The following NUP133 variants were observed in gnomAD, a reference collection of about 807,000 sequenced individuals.
NUP133 encodes nuclear pore complex protein Nup133.
A neutral mutation model predicts 146.2 loss-of-function variants in NUP133; 66 were observed. The observed-to-expected ratio is 0.45, with a 90% CI of 0.37 to 0.55. The LOEUF is 0.55. NUP133 is among the 20% of genes least tolerant of loss of function. The pLI is 0.00. For missense variants in NUP133, 1,277 were observed against 1,374.8 expected, an observed-to-expected ratio of 0.93 and a Z score of 1.12; for synonymous variants, 521 against 498.8, an observed-to-expected ratio of 1.04 and a Z score of -0.59.
At chr1:229,506,513 A>G (rs2102790106) in intron 1 of NUP133, among the ~76,000 whole-genome samples, 1 of 151,508 alleles carries the variant, frequency 6.6e-6, no homozygotes, top group East Asian at 1.9e-4. Context: ...TGAAAGACAG[A>G]ATATAAAACA....
intron 8 of NUP133, among the ~76,000 whole-genome samples, chr1:229,492,507 T>C (rs1185377215): frequency 6.6e-6 from 1 of 152,106 alleles, no homozygotes; most frequent in Non-Finnish European, 1.5e-5. Context: ...TGTAACTAAA[T>C]GACATGACAC....
At chr1:229,456,479 T>C (rs1026108027) in intron 21 of NUP133, among the ~76,000 whole-genome samples, 19 of 152,196 alleles carry the variant, frequency 1.2e-4, no homozygotes, top group African/African-American at 4.6e-4. Context: ...AATCTTTTGA[T>C]GTTCAAATAG....
intron 19 of NUP133, among the ~76,000 whole-genome samples, chr1:229,462,775 C>T (rs771449345): frequency 1.3e-5 from 2 of 152,006 alleles, no homozygotes; most frequent in Non-Finnish European, 2.9e-5. Flanking sequence ...TGGCCTCAAA[C>T]TCCTGGCCTC....
intron 22 of NUP133, 25 bp downstream of exon 22, chr1:229,452,500 C>G (rs371151940): frequency 6.4e-7 from 1 of 1,558,308 alleles, no homozygotes. Context: ...TAAGAAATAG[C>G]GTTAAGGATT....
At position 229,460,626 on chromosome 1, in the gene NUP133, G is replaced by C; in HGVS notation, c.2829C>G (p.Ser943Arg). 6.2e-7 allele frequency: 1 copy of C among 1,612,412 alleles called. No homozygotes were observed. Among genetic ancestry groups the C allele is most frequent in the South Asian group, 1.1e-5 (1 of 90,526 alleles). Residue 943 changes from serine (S) to arginine (R), a missense_variant, in exon 20 of 26, where the codon AGC becomes AGG. Physicochemically the swap from Ser to Arg is moderately radical, Grantham distance 110 (BLOSUM62 -1). Coordinates refer to ENST00000261396, the MANE Select transcript of NUP133 (RefSeq NM_018230.3). The stretch of plus-strand genomic sequence containing the variant: ...TCCTTCTTACCTTTTCTAATTCTTG[G>C]CTATTAATTTCATGTAACCAGCTGA... Reference protein sequence around the residue: ...EHLSWLHEINSQELEKAHATL... With the variant: ...EHLSWLHEINRQELEKAHATL...
At chr1:229,457,025 A>C (rs1203626776) in intron 21 of NUP133, among the ~76,000 whole-genome samples, 1 of 151,952 alleles carries the variant, frequency 6.6e-6, no homozygotes, top group Non-Finnish European at 1.5e-5. Context: ...ACAGGTTGTT[A>C]CTAAGTTGCC....
intron 21 of NUP133, 37 bp from the exon 22 acceptor site, chr1:229,452,680 G>T: frequency 1.3e-6 from 2 of 1,484,922 alleles, no homozygotes; most frequent in Non-Finnish European, 1.8e-6. Context: ...AAGAGAATAT[G>T]ATGAAATTTG....
In NUP133 at chr1:229,441,495, AT is replaced by A. The variant is rs1660181815; in HGVS notation, c.*408del. On this transcript the variant is annotated 3_prime_UTR_variant, in exon 26 of 26. Transcript: ENST00000261396. The stretch of plus-strand genomic sequence containing the variant: ...CTGAAACAGATATCAAACACCCTAG[AT>A]TCTCTTCAGTGCAAAGTATCTGGAG... 1.9e-6 allele frequency: 1 copy of A among 527,746 alleles called. No individual in the cohort carries two copies. The highest frequency in any genetic ancestry group is 3.9e-6 in the Non-Finnish European group (1 of 257,512). 32.7% of individuals were successfully genotyped at this position (527,746 alleles called of 1,614,324 possible).
chr1:229,482,866 A>G (rs1661251554), intron 12 of NUP133, among the ~76,000 whole-genome samples: 1 of 152,194 alleles, frequency 6.6e-6, no homozygotes, highest in Non-Finnish European at 1.5e-5. Context: ...CTAGTTGAGG[A>G]GACATCACAG....
At chr1:229,449,873 A>ATATATATATATATATTTTTT (rs1261799272) in intron 23 of NUP133, among the ~76,000 whole-genome samples, 1 of 85,798 alleles carries the variant, frequency 1.2e-5, no homozygotes, top group African/African-American at 5.1e-5. Flanking sequence ...ATATATATAT[A>ATATATATATATATATTTTTT]TTTTTTTTTT....
chr1:229,452,459 G>T, intron 22 of NUP133, 66 bp downstream of exon 22: 1 of 1,236,234 alleles, frequency 8.1e-7, no homozygotes, highest in Non-Finnish European at 1.2e-6. Flanking sequence ...TATACTACAT[G>T]GCCCAACAAA....
intron 20 of NUP133, among the ~76,000 whole-genome samples, chr1:229,459,267 A>C (rs1660639232): frequency 1.3e-5 from 2 of 152,192 alleles, no homozygotes; most frequent in Admixed American, 1.3e-4. Flanking sequence ...TCATGCCCGT[A>C]ATCCCAGAAC....
At chr1:229,459,035 T>A (rs1558092114) in intron 20 of NUP133, among the ~76,000 whole-genome samples, 1 of 152,186 alleles carries the variant, frequency 6.6e-6, no homozygotes, top group African/African-American at 2.4e-5. Context: ...TGAATTATAA[T>A]TGTATATATT....
chr1:229,457,318 T>C (rs1660592202), intron 21 of NUP133, among the ~76,000 whole-genome samples: 1 of 151,752 alleles, frequency 6.6e-6, no homozygotes, highest in African/African-American at 2.4e-5. Context: ...TAATACAGAG[T>C]TTTTCTTCAC....
At chr1:229,486,845 A>G (rs1661364071) in intron 10 of NUP133, among the ~76,000 whole-genome samples, 1 of 151,896 alleles carries the variant, frequency 6.6e-6, no homozygotes, top group East Asian at 1.9e-4. Context: ...AGCTTTTTCA[A>G]TCCTGTGGAG....
chr1:229,496,012 G>A lies in NUP133; in HGVS notation c.855C>T (p.Ser285=). The change falls in exon 7 of 26, where the codon AGC becomes AGT. Residue 285 remains serine (S), a synonymous_variant. Coordinates refer to ENST00000261396, the MANE Select transcript of NUP133 (RefSeq NM_018230.3). ...TGTTTGAACTCGTCAGGCTATAAAAGCTTGATCTCTCTCTATCCCAGAGAA... is the reference window on the plus strand; with the variant it reads ...TGTTTGAACTCGTCAGGCTATAAAAACTTGATCTCTCTCTATCCCAGAGAA... ...SSVLWDRERS[S]FYSLTSSNIS... is the part of the protein sequence containing the mutation. 1.2e-6 allele frequency: 2 copies of A among 1,604,012 alleles called. No individual in the cohort carries two copies. Among genetic ancestry groups the A allele is most frequent in the Non-Finnish European group, 1.7e-6 (2 of 1,177,052 alleles).
intron 5 of NUP133, chr1:229,499,039 C>T (rs1237276441): frequency 2.4e-5 from 9 of 377,618 alleles, no homozygotes; most frequent in Non-Finnish European, 2.7e-5. Context: ...GCTGGGACTA[C>T]AGGCACACAC....
At position 229,442,056 on chromosome 1, in the gene NUP133, CA is replaced by C. The variant is rs1297411065; in HGVS notation, c.3335-17del. Reference sequence around the variant, plus strand: ...AGCTGAATGCCTATAAACACAAACACAAGAAGTCATTTTTCAATTATTATAA... The same window carrying C: ...AGCTGAATGCCTATAAACACAAACACAGAAGTCATTTTTCAATTATTATAA... On this transcript the variant is annotated splice_polypyrimidine_tract_variant and intron_variant, in intron 25 of 25. Transcript: ENST00000261396. 1 of 1,543,816 alleles carries C rather than the reference CA, an allele frequency of 6.5e-7. No individual in the cohort carries two copies.
chr1:229,502,235 T>C, intron 2 of NUP133, 133 bp from the exon 3 acceptor site: 3 of 619,144 alleles, frequency 4.8e-6, no homozygotes, highest in South Asian at 3.9e-5. Flanking sequence ...TATTCCAAAA[T>C]TATCAACACC....
Sources: allele counts gnomAD v4.1 joint callset (sites outside exome capture counted in the v4.1 genomes callset), GRCh38; gene constraint gnomAD v4.1.1; transcripts MANE v1.5; gene names NCBI Gene and HGNC (gene_info 2026-07-23, HGNC 2026-07-21).